Variants in CYP4Z1 observed in about 807,000 individuals in gnomAD.
CYP4Z1 encodes the protein cytochrome P450 4Z1.
CYP4Z1 carries 41 observed loss-of-function variants against 54.2 expected under a neutral mutation model. That is an observed-to-expected ratio of 0.76 (90% CI 0.59 to 0.98). The LOEUF (loss-of-function observed/expected upper bound fraction) is 0.98. Among genes scored for constraint, CYP4Z1 ranks in the 50% least tolerant of loss-of-function variants. The probability of loss-of-function intolerance (pLI) is 0.00; values close to 1 mark genes in which losing one functional copy is unlikely to be tolerated. For missense variants in CYP4Z1, 513 were observed against 599.0 expected (o/e 0.86, Z 1.50); for synonymous variants, 163 against 206.2 (o/e 0.79, Z 1.79).
At chr1:47,088,036 G>A (rs951037804) in intron 6 of CYP4Z1, among the ~76,000 whole-genome samples, 1 of 152,230 alleles carries the variant, frequency 6.6e-6, no homozygotes, top group East Asian at 1.9e-4. Context: ...TGCATCCCAG[G>A]GATGAAGCCC....
rs113736426 is a variant in CYP4Z1 at position 47,099,359 on chromosome 1, A to G, written c.1067+75A>G. On this transcript the variant is annotated intron_variant, in intron 8 of 11. Coordinates refer to ENST00000334194, the MANE Select transcript of CYP4Z1 (RefSeq NM_178134.3). ...ATTATTTCTCTCTTCCGGTATCAGT[A>G]AGTTATTGTGCATTGAGATAGTCTG... 1.1e-3 allele frequency: 1,468 copies of G among 1,379,816 alleles called. 14 individuals are homozygous for G. The African/African-American group carries it at 0.019, about 18-fold the overall frequency. 85.5% of individuals were successfully genotyped at this position (1,379,816 alleles called of 1,614,324 possible). A position where few individuals can be genotyped will look rare whatever the true frequency, so the allele number is the denominator to read the frequency against.
chr1:47,078,055 A>G (rs1372188056), intron 2 of CYP4Z1, among the ~76,000 whole-genome samples: 2 of 152,094 alleles, frequency 1.3e-5, no homozygotes, highest in African/African-American at 2.4e-5. Flanking sequence ...AGTTATTTTC[A>G]TAGTGATTAA....
intron 10 of CYP4Z1, among the ~76,000 whole-genome samples, chr1:47,116,168 C>G (rs1644828464): frequency 6.6e-6 from 1 of 152,136 alleles, no homozygotes; most frequent in Non-Finnish European, 1.5e-5. Context: ...CTCACAGAGA[C>G]TTTCGGGCAG....
At chr1:47,105,539 A>G (rs1644750541) in intron 8 of CYP4Z1, among the ~76,000 whole-genome samples, 3 of 152,326 alleles carry the variant, frequency 2.0e-5, no homozygotes, top group Non-Finnish European at 4.4e-5. Flanking sequence ...GAGCTTCTCC[A>G]GACTCCCAGT....
chr1:47,107,973 T>G (rs199599247), intron 9 of CYP4Z1, among the ~76,000 whole-genome samples: 6,541 of 130,598 alleles, frequency 0.05, 244 homozygotes, highest in African/African-American at 0.12. Context: ...AGTTTTAGGC[T>G]ACTTATACGT....
At chr1:47,110,879 A>G in intron 9 of CYP4Z1, among the ~76,000 whole-genome samples, 1 of 151,642 alleles carries the variant, frequency 6.6e-6, no homozygotes, top group Non-Finnish European at 1.5e-5. Context: ...GACCCATGTT[A>G]AGAAAGCAAA....
intron 7 of CYP4Z1, among the ~76,000 whole-genome samples, chr1:47,098,363 T>C (rs1557630230): frequency 6.6e-6 from 1 of 152,216 alleles, no homozygotes; most frequent in Non-Finnish European, 1.5e-5. Flanking sequence ...CCTACATATT[T>C]TATTCTTTTG....
Position 47,084,737 on chromosome 1 carries a change from T to C in CYP4Z1, c.610T>C (p.Leu204=), listed in dbSNP as rs200729848. 5.6e-6 allele frequency: 9 copies of C among 1,613,370 alleles called. No individual in the cohort carries two copies. The highest frequency in any genetic ancestry group is 7.6e-6 in the Non-Finnish European group (9 of 1,179,828). ...CAFSHQGSIQ[L]DSTLDSYLKA... is the part of the protein sequence containing the mutation. ...CTTCAGCCACCAGGGCAGCATCCAG[T>C]TGGACAGGTCAGTGACAAAAGGAAG... is the stretch of plus-strand genomic sequence containing the variant. Residue 204 remains leucine (L), a synonymous_variant, in exon 5 of 12, where the codon TTG becomes CTG. Transcript: ENST00000334194.
chr1:47,094,465 A>G, intron 6 of CYP4Z1, 101 bp from the exon 7 acceptor site: 1 of 778,508 alleles, frequency 1.3e-6, no homozygotes, highest in African/African-American at 1.8e-5. Flanking sequence ...GGGGGCAGCC[A>G]GGGGCTACCG....
At chr1:47,056,565 G>A in the CYP4Z1 span, among the ~76,000 whole-genome samples, 5 of 152,130 alleles carry the variant, frequency 3.3e-5, no homozygotes, top group Admixed American at 2.6e-4. Flanking sequence ...AAGTCTCTTC[G>A]TAGGTCACTA....
rs569979938 is a variant in CYP4Z1, at chr1:47,099,349, C to T, written c.1067+65C>T. ...TATACATTTGATTATTTCTCTCTTCCGGTATCAGTAAGTTATTGTGCATTG... is the reference window on the plus strand; with the variant it reads ...TATACATTTGATTATTTCTCTCTTCTGGTATCAGTAAGTTATTGTGCATTG... On this transcript the variant is annotated intron_variant, in intron 8 of 11. Coordinates refer to ENST00000334194, the MANE Select transcript of CYP4Z1 (RefSeq NM_178134.3). 4.6e-4 allele frequency: 650 copies of T among 1,423,214 alleles called. 5 individuals are homozygous for T. In the African/African-American group the frequency reaches 8.0e-3, roughly 18 times the overall value. 88.2% of individuals were successfully genotyped at this position (1,423,214 alleles called of 1,614,324 possible).
At chr1:47,113,241 C>T (rs1017217747) in intron 9 of CYP4Z1, among the ~76,000 whole-genome samples, 9 of 152,142 alleles carry the variant, frequency 5.9e-5, no homozygotes, top group African/African-American at 2.2e-4. Context: ...TTTTTATCTG[C>T]CTCAAATTCC....
intron 4 of CYP4Z1, among the ~76,000 whole-genome samples, chr1:47,083,401 T>A (rs1342020810): frequency 6.6e-6 from 1 of 152,242 alleles, no homozygotes; most frequent in Non-Finnish European, 1.5e-5. Context: ...GCATCAGGCT[T>A]ATTATATCCT....
intron 8 of CYP4Z1, among the ~76,000 whole-genome samples, chr1:47,100,036 C>T (rs1358063950): frequency 6.6e-6 from 1 of 151,854 alleles, no homozygotes; most frequent in Non-Finnish European, 1.5e-5. Flanking sequence ...AACATTCATT[C>T]TTTGTTTTTG....
intron 9 of CYP4Z1, among the ~76,000 whole-genome samples, chr1:47,109,719 T>C (rs2653919): frequency 6.6e-6 from 1 of 152,146 alleles, no homozygotes; most frequent in South Asian, 2.1e-4. Context: ...AACAAAGAAA[T>C]TGGAGTTAGG....
chr1:47,082,571 T>C (rs1003350701), intron 4 of CYP4Z1, 110 bp downstream of exon 4: 110 of 1,470,986 alleles, frequency 7.5e-5, no homozygotes, highest in Admixed American at 1.6e-4. Context: ...GCAGTTTATA[T>C]GGGGTTATTT....
intron 4 of CYP4Z1, among the ~76,000 whole-genome samples, chr1:47,083,627 C>G (rs1159754184): frequency 1.4e-4 from 22 of 152,200 alleles, no homozygotes; most frequent in Admixed American, 1.4e-3. Context: ...CAAACCCCAT[C>G]TCTACTAAAA....
intron 6 of CYP4Z1, 111 bp from the exon 7 acceptor site, chr1:47,094,455 G>A (rs1644661860): frequency 1.5e-6 from 1 of 689,362 alleles, no homozygotes; most frequent in East Asian, 3.0e-5. Flanking sequence ...ACATTGGGTG[G>A]GGGGCAGCCA....
At chr1:47,066,980 T>G (rs1415494348), upstream of CYP4Z1, among the ~76,000 whole-genome samples, 2 of 151,964 alleles carry the variant, frequency 1.3e-5, no homozygotes, top group African/African-American at 2.4e-5. Context: ...TATACTCTGG[T>G]GGAGGATTTT....
Sources: allele counts gnomAD v4.1 joint callset (sites outside exome capture counted in the v4.1 genomes callset), GRCh38; gene constraint gnomAD v4.1.1; transcripts MANE v1.5; gene names NCBI Gene and HGNC (gene_info 2026-07-23, HGNC 2026-07-21).